Variants in TRMT9B observed in about 807,000 individuals in gnomAD.
TRMT9B encodes the protein tRNA methyltransferase 9B (putative).
In TRMT9B, 16 loss-of-function variants were observed where a neutral mutation model predicts 11.5. The ratio of observed to expected loss-of-function variants is 1.39; its 90% CI spans 0.94 to 2.11. The LOEUF (loss-of-function observed/expected upper bound fraction) is 2.11. TRMT9B is among the 30% of genes most tolerant of loss of function. TRMT9B has a pLI of 0.00. For missense variants in TRMT9B, 941 were observed against 553.8 expected, an observed-to-expected ratio of 1.70 and a Z score of -7.02; for synonymous variants, 274 against 192.4, an observed-to-expected ratio of 1.42 and a Z score of -3.51.
At chr8:12,984,380 C>T (rs892703176) in intron 1 of TRMT9B, among the ~76,000 whole-genome samples, 3 of 152,302 alleles carry the variant, frequency 2.0e-5, no homozygotes, top group Non-Finnish European at 2.9e-5. Flanking sequence ...TATAATTCAT[C>T]GTCACGTTTC....
At chr8:12,950,645 G>A (rs1419260319) in intron 1 of TRMT9B, among the ~76,000 whole-genome samples, 7 of 151,970 alleles carry the variant, frequency 4.6e-5, no homozygotes, top group African/African-American at 1.7e-4. Flanking sequence ...CCCAAACAAA[G>A]GTTTCCCCCA....
At chr8:12,947,276 A>C (rs972438158) in intron 1 of TRMT9B, among the ~76,000 whole-genome samples, 5 of 152,222 alleles carry the variant, frequency 3.3e-5, no homozygotes, top group African/African-American at 2.4e-5. Context: ...TTCTTCCTGC[A>C]ATCTGAAGTT....
Position 13,022,610 on chromosome 8 carries a change from A to G in TRMT9B, c.*566A>G, listed in dbSNP as rs552758323. On this transcript the variant is annotated 3_prime_UTR_variant, in exon 5 of 5. Coordinates refer to ENST00000524591, the MANE Select transcript of TRMT9B (RefSeq NM_020844.3). ...AGTGGAGAGAAACAAGAAGTTTTAC[A>G]AGGACTTTACTAAATTATAAGCAAA... The G allele has an allele frequency of 6.0e-6, 1 of 167,262 alleles. No individual in the cohort carries two copies. Among genetic ancestry groups the G allele is most frequent in the East Asian group, 1.9e-4 (1 of 5,194 alleles). The allele number at this position is 167,262 out of a possible 1,614,324, so 10.4% of individuals were successfully genotyped here.
chr8:12,965,206 T>G (rs1041882150), intron 1 of TRMT9B, among the ~76,000 whole-genome samples: 11 of 152,194 alleles, frequency 7.2e-5, no homozygotes, highest in African/African-American at 2.7e-4. Context: ...CCTCTGTGTG[T>G]GATATAAGCA....
chr8:12,992,488 C>A (rs1314313263), intron 2 of TRMT9B, among the ~76,000 whole-genome samples: 1 of 151,906 alleles, frequency 6.6e-6, no homozygotes, highest in African/African-American at 2.4e-5. Flanking sequence ...TAGACTTGGG[C>A]ATATTGTCTC....
chr8:13,000,748 C>G (rs750616878), intron 2 of TRMT9B, among the ~76,000 whole-genome samples: 15 of 152,058 alleles, frequency 9.9e-5, no homozygotes, highest in Non-Finnish European at 1.6e-4. Context: ...CATCCTTGCA[C>G]GCTAGTTATT....
chr8:13,019,105 C>G (rs553538730), intron 4 of TRMT9B, among the ~76,000 whole-genome samples: 1 of 152,096 alleles, frequency 6.6e-6, no homozygotes, highest in African/African-American at 2.4e-5. Context: ...TGGGGGATTA[C>G]AATTTGGGGA....
At chr8:13,009,843 G>A (rs2954191) in intron 3 of TRMT9B, among the ~76,000 whole-genome samples, 75,511 of 151,892 alleles carry the variant, frequency 0.5, 19,505 homozygotes, top group African/African-American at 0.63. Flanking sequence ...TTACACTACA[G>A]ATAGGCCAGG....
intron 2 of TRMT9B, among the ~76,000 whole-genome samples, chr8:12,996,724 C>A (rs564987061): frequency 9.9e-5 from 15 of 152,220 alleles, no homozygotes; most frequent in African/African-American, 3.6e-4. Context: ...ATACATGGAC[C>A]AAAGTGCATA....
At chr8:12,953,708 GTAA>G (rs1800938706) in intron 1 of TRMT9B, among the ~76,000 whole-genome samples, 1 of 152,156 alleles carries the variant, frequency 6.6e-6, no homozygotes, top group African/African-American at 2.4e-5. Flanking sequence ...AGAATACAGG[GTAA>G]AGAACTGTCC....
chr8:12,999,828 A>T (rs2466262), intron 2 of TRMT9B, among the ~76,000 whole-genome samples: 116,745 of 152,082 alleles, frequency 0.77, 44,918 homozygotes, highest in Middle Eastern at 0.86. Flanking sequence ...AGTTGCCACT[A>T]GGCTCACAAT....
In TRMT9B at chr8:13,012,465, C is replaced by T. The variant is rs1284955526; in HGVS notation, c.155-219C>T. On this transcript the variant is annotated intron_variant, in intron 3 of 4. Transcript: ENST00000524591. ...TGGCACGCGCCTATGATCCCACCTA[C>T]TCGGGAGGCTAAGGCAAGAGAATTG... 1.3e-5 allele frequency: 7 copies of T among 540,678 alleles called. 1 individual carries two copies. In the South Asian group the frequency reaches 2.4e-4, roughly 18 times the overall value. 33.5% of individuals were successfully genotyped at this position (540,678 alleles called of 1,614,324 possible). A position where few individuals can be genotyped will look rare whatever the true frequency, so the allele number is the denominator to read the frequency against.
intron 1 of TRMT9B, among the ~76,000 whole-genome samples, chr8:12,957,874 C>T (rs909895929): frequency 1.1e-4 from 17 of 152,118 alleles, no homozygotes; most frequent in East Asian, 7.7e-4. Context: ...GTGCAACCAT[C>T]GCTGCCATCC....
intron 1 of TRMT9B, among the ~76,000 whole-genome samples, chr8:12,957,097 C>G (rs1387615089): frequency 6.6e-6 from 1 of 152,046 alleles, no homozygotes; most frequent in East Asian, 1.9e-4. Context: ...GTAGCTTACT[C>G]GAAGAGAAAG....
intron 1 of TRMT9B, among the ~76,000 whole-genome samples, chr8:12,980,109 G>C (rs1805115294): frequency 6.6e-6 from 1 of 152,146 alleles, no homozygotes; most frequent in South Asian, 2.1e-4. Context: ...ACCACAAAGT[G>C]GGTGGCTGAA....
Position 13,021,729 on chromosome 8 carries a change from G to A in TRMT9B, c.1050G>A (p.Leu350=), listed in dbSNP as rs765526828. 1.2e-5 allele frequency: 20 copies of A among 1,613,802 alleles called. 1 individual carries two copies. In the Middle Eastern group the frequency reaches 1.5e-3, roughly 119 times the overall value. The change falls in exon 5 of 5, where the codon CTG becomes CTA. Residue 350 remains leucine (L), a synonymous_variant. Coordinates refer to ENST00000524591, the MANE Select transcript of TRMT9B (RefSeq NM_020844.3). ...GGAGAAATGGAGGGGGAAATTTTCTGGATAGCACTAATACTGGTGTGAATT... is the reference window on the plus strand; with the variant it reads ...GGAGAAATGGAGGGGGAAATTTTCTAGATAGCACTAATACTGGTGTGAATT... ...EMRRNGGGNF[L]DSTNTGVNCV... is the part of the protein sequence containing the mutation.
intron 1 of TRMT9B, among the ~76,000 whole-genome samples, chr8:12,955,867 A>G (rs1338917303): frequency 2.0e-5 from 3 of 152,132 alleles, no homozygotes; most frequent in Non-Finnish European, 4.4e-5. Flanking sequence ...ATGGGCCCCC[A>G]GGGTTGCTGC....
intron 1 of TRMT9B, among the ~76,000 whole-genome samples, chr8:12,970,431 T>A (rs1316538572): frequency 1.3e-5 from 2 of 152,184 alleles, no homozygotes; most frequent in African/African-American, 4.8e-5. Flanking sequence ...GCCTTCCTCT[T>A]CTTATTGCTG....
chr8:12,966,291 G>A (rs1041628963), intron 1 of TRMT9B, among the ~76,000 whole-genome samples: 4 of 152,102 alleles, frequency 2.6e-5, no homozygotes, highest in South Asian at 2.1e-4. Context: ...GGGTGTGGGC[G>A]GGGGGAAGAA....
Sources: gnomAD v4.1 joint callset for allele counts (sites outside exome capture counted in the v4.1 genomes callset) on GRCh38, gnomAD v4.1.1 for gene constraint, MANE v1.5 for transcripts, NCBI Gene and HGNC (gene_info 2026-07-23, HGNC 2026-07-21) for gene names.